ENOX1: variants seen among roughly 807,000 people sequenced by gnomAD.
The protein encoded by ENOX1 is ecto-NOX disulfide-thiol exchanger 1.
ENOX1 carries 42 observed loss-of-function variants against 82.5 expected under a neutral mutation model. That is an observed-to-expected ratio of 0.51 (90% CI 0.40 to 0.66). The LOEUF is 0.66. ENOX1 is among the 30% of genes least tolerant of loss of function. The pLI, the probability that ENOX1 is intolerant of heterozygous loss-of-function variation, is 0.00. For synonymous variants in ENOX1, 271 were observed against 282.2 expected (o/e 0.96, Z 0.40); for missense variants, 608 against 811.6 (o/e 0.75, Z 3.05).
chr13:43,448,105 C>T (rs571845695), intron 3 of ENOX1, among the ~76,000 whole-genome samples: 1 of 152,310 alleles, frequency 6.6e-6, no homozygotes, highest in South Asian at 2.1e-4. Flanking sequence ...ATTTATGCTG[C>T]AGCTGGTGCA....
rs182466905 is a variant in ENOX1, at chr13:43,243,481, T to G, written c.1612-6743A>C. On this transcript the variant is annotated intron_variant, in intron 14 of 16. Coordinates refer to ENST00000690772, the MANE Select transcript of ENOX1 (RefSeq NM_001347969.2). ...TTCATACTTTGTTTTAGGGATGCGG[T>G]CTCACTATGTTGAGCAGGCTGGTCT... Among the ~76,000 whole-genome samples the G allele has an allele frequency of 6.1e-3, 922 of 152,320 alleles. 5 individuals are homozygous for G. Among genetic ancestry groups the G allele is most frequent in the Non-Finnish European group, 8.5e-3 (575 of 68,034 alleles).
intron 2 of ENOX1, among the ~76,000 whole-genome samples, chr13:43,592,921 T>C (rs1357101278): frequency 6.6e-6 from 1 of 152,220 alleles, no homozygotes; most frequent in Non-Finnish European, 1.5e-5. Context: ...CAGATACCCA[T>C]ACAAAAACAC....
At chr13:43,697,688 G>A (rs1328939604) in intron 1 of ENOX1, among the ~76,000 whole-genome samples, 2 of 152,236 alleles carry the variant, frequency 1.3e-5, no homozygotes, top group Non-Finnish European at 1.5e-5. Flanking sequence ...CCAAAGGGAC[G>A]GGATTCCAGA....
intron 14 of ENOX1, among the ~76,000 whole-genome samples, chr13:43,256,053 A>G (rs993498761): frequency 1.3e-5 from 2 of 152,206 alleles, no homozygotes; most frequent in African/African-American, 2.4e-5. Context: ...AAAAACATAG[A>G]TTGGGGAAAG....
chr13:43,712,744 G>A (rs1019658794), intron 1 of ENOX1, among the ~76,000 whole-genome samples: 3 of 152,190 alleles, frequency 2.0e-5, no homozygotes, highest in African/African-American at 7.2e-5. Flanking sequence ...GAATGCTTAT[G>A]ATTTTTGTAC....
chr13:43,690,400 C>G (rs2086293049), intron 1 of ENOX1, among the ~76,000 whole-genome samples: 1 of 151,936 alleles, frequency 6.6e-6, no homozygotes, highest in Non-Finnish European at 1.5e-5. Flanking sequence ...ATTTATAAGT[C>G]TGAACACCAT....
intron 3 of ENOX1, among the ~76,000 whole-genome samples, chr13:43,449,138 A>G (rs576075030): frequency 5.3e-5 from 8 of 152,172 alleles, no homozygotes; most frequent in Admixed American, 2.0e-4. Context: ...TGCCTGTTCA[A>G]ACTGGCTTAT....
chr13:43,304,726 C>T (rs2046768251), intron 11 of ENOX1, among the ~76,000 whole-genome samples: 1 of 152,158 alleles, frequency 6.6e-6, no homozygotes, highest in East Asian at 1.9e-4. Flanking sequence ...CTTAGGGATC[C>T]TACTTTCTGC....
chr13:43,658,036 A>G (rs1038928670), intron 2 of ENOX1, among the ~76,000 whole-genome samples: 13 of 152,170 alleles, frequency 8.5e-5, no homozygotes, highest in Admixed American at 5.2e-4. Context: ...CTTGTGTAGT[A>G]TCTCACTGAC....
intron 2 of ENOX1, among the ~76,000 whole-genome samples, chr13:43,621,003 T>G (rs1030732199): frequency 6.6e-6 from 1 of 152,136 alleles, no homozygotes; most frequent in Non-Finnish European, 1.5e-5. Flanking sequence ...ATATAACATC[T>G]CTGTCTCTTT....
At chr13:43,342,956 G>A (rs913695164) in intron 9 of ENOX1, among the ~76,000 whole-genome samples, 1 of 152,172 alleles carries the variant, frequency 6.6e-6, no homozygotes, top group Non-Finnish European at 1.5e-5. Context: ...AGAAAACGAA[G>A]TTCTCACCTA....
intron 1 of ENOX1, among the ~76,000 whole-genome samples, chr13:43,694,334 T>C (rs1446257481): frequency 1.3e-5 from 2 of 152,170 alleles, no homozygotes; most frequent in African/African-American, 2.4e-5. Context: ...CCACTTCTTA[T>C]GTTCAAAAGT....
intron 1 of ENOX1, among the ~76,000 whole-genome samples, chr13:43,700,158 G>T (rs1356738971): frequency 5.3e-5 from 8 of 152,060 alleles, no homozygotes; most frequent in African/African-American, 1.9e-4. Flanking sequence ...AAACGAGTTT[G>T]AGTTTCATAA....
chr13:43,485,869 AGT>A (rs1179985399), intron 2 of ENOX1, among the ~76,000 whole-genome samples: 1 of 152,238 alleles, frequency 6.6e-6, no homozygotes, highest in East Asian at 1.9e-4. Context: ...TCAGTCCAGA[AGT>A]TCAAGACCAG....
chr13:43,645,297 A>T (rs1248930024), intron 2 of ENOX1, among the ~76,000 whole-genome samples: 5 of 152,066 alleles, frequency 3.3e-5, no homozygotes, highest in African/African-American at 1.2e-4. Context: ...GAGTAGCTAG[A>T]ACTACAGGTG....
intron 2 of ENOX1, among the ~76,000 whole-genome samples, chr13:43,531,888 C>T (rs1264601459): frequency 6.8e-6 from 1 of 146,336 alleles, no homozygotes; most frequent in Middle Eastern, 3.5e-3. Context: ...AACACACAGA[C>T]ACAAGAAGGG....
chr13:43,607,291 A>C (rs1482320310), intron 2 of ENOX1, among the ~76,000 whole-genome samples: 1 of 152,166 alleles, frequency 6.6e-6, no homozygotes, highest in Non-Finnish European at 1.5e-5. Context: ...ATTAGGCCAA[A>C]AGTGTGCATA....
intron 2 of ENOX1, among the ~76,000 whole-genome samples, chr13:43,640,936 ACG>A (rs1253162905): frequency 6.3e-5 from 9 of 143,168 alleles, no homozygotes; most frequent in African/African-American, 1.8e-4. Flanking sequence ...ACACACACAC[ACG>A]TAACCTACAG....
intron 2 of ENOX1, among the ~76,000 whole-genome samples, chr13:43,654,902 C>A (rs1034700480): frequency 1.3e-5 from 2 of 152,208 alleles, no homozygotes; most frequent in Non-Finnish European, 2.9e-5. Context: ...CAAGTATCCA[C>A]TTAAATTTAG....
Sources: gnomAD v4.1 joint callset for allele counts (sites outside exome capture counted in the v4.1 genomes callset) on GRCh38, gnomAD v4.1.1 for gene constraint, MANE v1.5 for transcripts, NCBI Gene and HGNC (gene_info 2026-07-23, HGNC 2026-07-21) for gene names.